Variants in CWC27 observed in about 807,000 individuals in gnomAD.
CWC27 encodes CWC27 spliceosome associated cyclophilin.
In CWC27, 47 loss-of-function variants were observed where a neutral mutation model predicts 63.6. That is an observed-to-expected ratio of 0.74 (90% CI 0.58 to 0.94). The LOEUF (loss-of-function observed/expected upper bound fraction) is 0.94, where lower values mean the gene tolerates loss of function less well. Ranked by LOEUF, CWC27 falls within the 40% of genes least tolerant of loss-of-function variation. CWC27 has a pLI of 0.00. For missense variants in CWC27, 495 were observed against 554.3 expected, an observed-to-expected ratio of 0.89 and a Z score of 1.07; for synonymous variants, 175 against 179.8, an observed-to-expected ratio of 0.97 and a Z score of 0.22.
intron 12 of CWC27, among the ~76,000 whole-genome samples, chr5:64,975,330 A>T (rs934546537): frequency 5.3e-5 from 8 of 152,184 alleles, no homozygotes; most frequent in Non-Finnish European, 7.3e-5. Flanking sequence ...TTAGGAATGT[A>T]TTGTGACTCT....
chr5:64,823,713 G>A (rs1040376440), intron 10 of CWC27, among the ~76,000 whole-genome samples: 1 of 152,154 alleles, frequency 6.6e-6, no homozygotes, highest in African/African-American at 2.4e-5. Flanking sequence ...TCTGTAAAAT[G>A]TTAAGTCAAG....
At chr5:64,770,812 G>A (rs1371013495) in intron 1 of CWC27, among the ~76,000 whole-genome samples, 1 of 152,122 alleles carries the variant, frequency 6.6e-6, no homozygotes, top group East Asian at 1.9e-4. Context: ...TTATACTGCT[G>A]GTCAAGGACA....
intron 10 of CWC27, among the ~76,000 whole-genome samples, chr5:64,883,310 A>ATATGTCTTACC (rs35581419): frequency 0.37 from 56,410 of 151,830 alleles, 11,145 homozygotes; most frequent in East Asian, 0.5. Context: ...CCATATCAGT[A>ATATGTCTTACC]TTAAATTTCT....
chr5:65,010,532 A>C (rs948756637), intron 13 of CWC27, among the ~76,000 whole-genome samples: 12 of 152,340 alleles, frequency 7.9e-5, no homozygotes, highest in Admixed American at 2.0e-4. Context: ...TAGAATTCTA[A>C]CTTAACAGAG....
chr5:64,838,382 A>C (rs965717354), intron 10 of CWC27, among the ~76,000 whole-genome samples: 2 of 152,166 alleles, frequency 1.3e-5, no homozygotes, highest in African/African-American at 4.8e-5. Flanking sequence ...AACAATATAC[A>C]TATAGATTAT....
chr5:64,867,130 T>G (rs1746548581), intron 10 of CWC27, among the ~76,000 whole-genome samples: 1 of 152,002 alleles, frequency 6.6e-6, no homozygotes, highest in South Asian at 2.1e-4. Context: ...CCAACACCAT[T>G]GTGGATATTC....
intron 11 of CWC27, among the ~76,000 whole-genome samples, chr5:64,919,378 C>G (rs1051817532): frequency 1.1e-4 from 16 of 152,058 alleles, no homozygotes; most frequent in African/African-American, 3.6e-4. Flanking sequence ...ATTTTAGGTT[C>G]AGAGGGTGCA....
chr5:65,016,183 G>A (rs1469795184), intron 13 of CWC27, among the ~76,000 whole-genome samples: 2 of 152,076 alleles, frequency 1.3e-5, no homozygotes, highest in East Asian at 1.9e-4. Flanking sequence ...GAAATTGAAC[G>A]CACAAGAAAA....
chr5:64,886,297 C>T (rs1444958335), intron 11 of CWC27, among the ~76,000 whole-genome samples: 1 of 151,988 alleles, frequency 6.6e-6, no homozygotes, highest in Non-Finnish European at 1.5e-5. Context: ...GCTTGGAACC[C>T]ACATCTGTTT....
chr5:64,851,898 C>T (rs555015644), intron 10 of CWC27, among the ~76,000 whole-genome samples: 29 of 152,184 alleles, frequency 1.9e-4, no homozygotes, highest in Admixed American at 5.9e-4. Context: ...TTATCTCACT[C>T]GTTTTCTTTT....
chr5:64,778,309 T>TTC (rs141859352), intron 2 of CWC27, among the ~76,000 whole-genome samples: 3 of 150,592 alleles, frequency 2.0e-5, no homozygotes, highest in South Asian at 2.1e-4. Context: ...CTTGCTTTCT[T>TTC]TCTCTCTCTC....
intron 11 of CWC27, among the ~76,000 whole-genome samples, chr5:64,936,620 A>G (rs1054787295): frequency 5.3e-5 from 8 of 152,148 alleles, no homozygotes; most frequent in African/African-American, 1.9e-4. Flanking sequence ...TGATAAAATG[A>G]GTTAGGGAGG....
chr5:64,883,171 C>G (rs1303510589), intron 10 of CWC27, among the ~76,000 whole-genome samples: 1 of 152,152 alleles, frequency 6.6e-6, no homozygotes, highest in African/African-American at 2.4e-5. Context: ...AACTCACTCA[C>G]TATCATGAGA....
chr5:64,775,611 C>G (rs1030724622), intron 2 of CWC27, among the ~76,000 whole-genome samples: 2 of 152,130 alleles, frequency 1.3e-5, no homozygotes, highest in African/African-American at 4.8e-5. Context: ...TCTAGTTTCT[C>G]CACACAGCCT....
rs146863612 is a variant in CWC27 at position 64,890,915 on chromosome 5, T to C, written c.1042+5369T>C. On this transcript the variant is annotated intron_variant, in intron 11 of 13. Transcript: ENST00000381070. ...TGTGGACCTTTCTAGCCCAGTATTT[T>C]ATTGGGCTAACAACAAATTTTTTTT... Among the ~76,000 whole-genome samples the C allele has an allele frequency of 7.7e-3, 1,178 of 152,298 alleles. 11 individuals are homozygous for C. The highest frequency in any genetic ancestry group is 0.033 in the South Asian group (158 of 4,820).
At chr5:65,009,868 A>G (rs1044863789) in intron 13 of CWC27, among the ~76,000 whole-genome samples, 3 of 152,262 alleles carry the variant, frequency 2.0e-5, no homozygotes, top group Non-Finnish European at 4.4e-5. Flanking sequence ...ACAAAGTACA[A>G]AATAAGTTAA....
At chr5:64,855,234 G>A (rs909861417) in intron 10 of CWC27, among the ~76,000 whole-genome samples, 3 of 152,176 alleles carry the variant, frequency 2.0e-5, no homozygotes, top group Non-Finnish European at 2.9e-5. Context: ...TAAGAAAAGA[G>A]CAGGAAGTTT....
intron 1 of CWC27, 58 bp downstream of exon 1, chr5:64,769,246 G>A (rs1743151165): frequency 6.6e-7 from 1 of 1,521,614 alleles, no homozygotes. Flanking sequence ...AGATTTCCCG[G>A]ATTTGGGGTG....
intron 2 of CWC27, among the ~76,000 whole-genome samples, chr5:64,780,721 GA>G (rs1172483707): frequency 4.9e-5 from 7 of 141,806 alleles, no homozygotes; most frequent in African/African-American, 1.8e-4. Flanking sequence ...ACACACACCG[GA>G]ATCATAATTG....
Sources: allele counts gnomAD v4.1 joint callset (sites outside exome capture counted in the v4.1 genomes callset), GRCh38; gene constraint gnomAD v4.1.1; transcripts MANE v1.5; gene names NCBI Gene and HGNC (gene_info 2026-07-23, HGNC 2026-07-21).